The following PRKN variants were observed in gnomAD, a reference collection of about 807,000 sequenced individuals.
PRKN encodes E3 ubiquitin-protein ligase parkin.
In PRKN, 56 loss-of-function variants were observed where a neutral mutation model predicts 59.5. That is an observed-to-expected ratio of 0.94 (90% confidence interval 0.76 to 1.18). PRKN has a LOEUF of 1.18. PRKN is among the 50% of genes most tolerant of loss of function. The pLI, the probability that PRKN is intolerant of heterozygous loss-of-function variation, is 0.00. For synonymous variants in PRKN, 250 were observed against 222.1 expected, an observed-to-expected ratio of 1.13 and a Z score of -1.12; for missense variants, 657 against 596.4, an observed-to-expected ratio of 1.10 and a Z score of -1.06.
At chr6:161,684,875 A>G (rs1422307080) in intron 7 of PRKN, among the ~76,000 whole-genome samples, 1 of 151,996 alleles carries the variant, frequency 6.6e-6, no homozygotes, top group Non-Finnish European at 1.5e-5. Context: ...TCTTTTCAGA[A>G]CAGGAGAGGC....
intron 6 of PRKN, among the ~76,000 whole-genome samples, chr6:161,833,341 A>C (rs1423812935): frequency 6.6e-6 from 1 of 152,182 alleles, no homozygotes; most frequent in African/African-American, 2.4e-5. Context: ...CTCTTGCTTA[A>C]TGTCTTCTGA....
chr6:161,709,570 A>G (rs1369548074), intron 7 of PRKN, among the ~76,000 whole-genome samples: 1 of 152,222 alleles, frequency 6.6e-6, no homozygotes, highest in Admixed American at 6.5e-5. Flanking sequence ...CTACATTTTG[A>G]AAGAAGAATT....
chr6:162,225,459 C>T lies in PRKN; in HGVS notation c.413-24207G>A, dbSNP rs368846507. Among the ~76,000 whole-genome samples the T allele has an allele frequency of 3.5e-4, 53 of 152,242 alleles. 2 individuals carry two copies. In the South Asian group the frequency reaches 9.5e-3, roughly 27 times the overall value. On this transcript the variant is annotated intron_variant, in intron 3 of 11. Transcript: ENST00000366898. ...TGGTCTATTTTTAAAGCTGAGAGAT[C>T]GGGATACCTTCTTTCATCTCTTTGG...
chr6:162,390,959 A>G (rs1052770401), intron 2 of PRKN, among the ~76,000 whole-genome samples: 2 of 152,206 alleles, frequency 1.3e-5, no homozygotes, highest in African/African-American at 4.8e-5. Context: ...ATATTTGATA[A>G]GGACCACAGG....
intron 4 of PRKN, among the ~76,000 whole-genome samples, chr6:162,084,315 T>C (rs1429151562): frequency 1.3e-5 from 2 of 152,134 alleles, no homozygotes; most frequent in African/African-American, 2.4e-5. Flanking sequence ...GCGACCTACA[T>C]CCACTCATGC....
chr6:162,611,063 GC>G (rs1483674267), intron 1 of PRKN, among the ~76,000 whole-genome samples: 1 of 152,066 alleles, frequency 6.6e-6, no homozygotes, highest in Non-Finnish European at 1.5e-5. Flanking sequence ...TGAAGAATAG[GC>G]CTCACTGGAG....
At chr6:162,602,274 A>G (rs1781742963) in intron 1 of PRKN, among the ~76,000 whole-genome samples, 1 of 152,158 alleles carries the variant, frequency 6.6e-6, no homozygotes, top group Non-Finnish European at 1.5e-5. Flanking sequence ...GAAGGCAGGT[A>G]AGGGTTGTGG....
intron 3 of PRKN, among the ~76,000 whole-genome samples, chr6:162,239,318 T>A (rs551409222): frequency 6.6e-6 from 1 of 152,308 alleles, no homozygotes; most frequent in Admixed American, 6.5e-5. Context: ...TGGCTCTAAT[T>A]TGTTTCTGTT....
chr6:162,582,630 C>T (rs1453329635), intron 1 of PRKN, among the ~76,000 whole-genome samples: 1 of 152,146 alleles, frequency 6.6e-6, no homozygotes, highest in Admixed American at 6.5e-5. Flanking sequence ...TTAAACTCAG[C>T]TCTCTTTGCA....
intron 2 of PRKN, among the ~76,000 whole-genome samples, chr6:162,334,969 G>A (rs751061483): frequency 1.3e-5 from 2 of 152,070 alleles, no homozygotes; most frequent in Non-Finnish European, 2.9e-5. Context: ...CCAAATTGCT[G>A]CAATCTCATT....
At chr6:161,993,975 T>G (rs1024039320) in intron 5 of PRKN, among the ~76,000 whole-genome samples, 1 of 152,158 alleles carries the variant, frequency 6.6e-6, no homozygotes, top group African/African-American at 2.4e-5. Context: ...AATCTATTCA[T>G]GAGGAACTGC....
At chr6:162,107,944 G>A (rs1484893587) in intron 4 of PRKN, among the ~76,000 whole-genome samples, 4 of 152,172 alleles carry the variant, frequency 2.6e-5, no homozygotes, top group African/African-American at 9.7e-5. Flanking sequence ...AAGAAAGGAG[G>A]AAGGAATGAA....
intron 3 of PRKN, among the ~76,000 whole-genome samples, chr6:162,220,635 A>G (rs560730830): frequency 6.6e-6 from 1 of 152,332 alleles, no homozygotes; most frequent in Non-Finnish European, 1.5e-5. Context: ...AAGGTAAAAG[A>G]GGGACTAAAT....
intron 2 of PRKN, among the ~76,000 whole-genome samples, chr6:162,289,920 A>T (rs1781350483): frequency 6.6e-6 from 1 of 152,164 alleles, no homozygotes; most frequent in Non-Finnish European, 1.5e-5. Context: ...CTAAGTCCCT[A>T]AATTGAAACA....
intron 5 of PRKN, among the ~76,000 whole-genome samples, chr6:162,048,673 G>T (rs536862499): frequency 6.7e-6 from 1 of 149,194 alleles, no homozygotes; most frequent in African/African-American, 2.5e-5. Context: ...AAGAATAATT[G>T]TCTTGGGCCA....
At chr6:161,408,474 AG>A (rs1787379571) in intron 9 of PRKN, among the ~76,000 whole-genome samples, 1 of 144,992 alleles carries the variant, frequency 6.9e-6, no homozygotes, top group Admixed American at 7.2e-5. Context: ...TTTGTTTTCT[AG>A]GTTTTCCTTT....
intron 1 of PRKN, among the ~76,000 whole-genome samples, chr6:162,602,860 C>T (rs368796187): frequency 1.3e-5 from 2 of 152,198 alleles, no homozygotes; most frequent in South Asian, 2.1e-4. Context: ...GAACAAAGTT[C>T]GCAGCTAAAT....
Position 161,395,041 on chromosome 6 carries a change from T to C in PRKN, c.1084-8164A>G, listed in dbSNP as rs961944741. On this transcript the variant is annotated intron_variant, in intron 9 of 11. Coordinates refer to ENST00000366898, the MANE Select transcript of PRKN (RefSeq NM_004562.3). The surrounding 1 kb of genome is among the most constrained non-coding windows in gnomAD (Gnocchi z 5.0). ...GTAGGTATTCTTTGAATGCAAAATA[T>C]GTGCAGGTAGCACAGATTCAAAAGG... 3.3e-5 allele frequency among the ~76,000 whole-genome samples: 5 copies of C among 152,184 alleles called. No homozygotes were observed. Among genetic ancestry groups the C allele is most frequent in the African/African-American group, 7.2e-5 (3 of 41,424 alleles).
At chr6:162,595,285 A>G (rs1213989159) in intron 1 of PRKN, among the ~76,000 whole-genome samples, 1 of 150,128 alleles carries the variant, frequency 6.7e-6, no homozygotes, top group Non-Finnish European at 1.5e-5. Context: ...TTTGAGACTG[A>G]GTTTCTATCA....
Sources: allele counts gnomAD v4.1 joint callset (sites outside exome capture counted in the v4.1 genomes callset), GRCh38; gene constraint gnomAD v4.1.1; non-coding constraint Gnocchi (gnomAD v3.1); transcripts MANE v1.5; gene names NCBI Gene and HGNC (gene_info 2026-07-23, HGNC 2026-07-21).